The following PDLIM5 variants were observed in gnomAD, a reference collection of about 807,000 sequenced individuals.
PDLIM5 encodes PDZ and LIM domain 5, also known as PDZ and LIM domain protein 5.
A neutral mutation model predicts 64.2 loss-of-function variants in PDLIM5; 34 were observed. That is an observed-to-expected ratio of 0.53 (90% CI 0.40 to 0.71). The LOEUF is 0.71. Among genes scored for constraint, PDLIM5 ranks in the 30% least tolerant of loss-of-function variants. PDLIM5 has a pLI of 0.00. For synonymous variants in PDLIM5, 253 were observed against 269.1 expected, an observed-to-expected ratio of 0.94 and a Z score of 0.59; for missense variants, 683 against 733.6, an observed-to-expected ratio of 0.93 and a Z score of 0.80.
chr4:94,644,907 A>G (rs534057078), intron 9 of PDLIM5, among the ~76,000 whole-genome samples: 68 of 126,352 alleles, frequency 5.4e-4, no homozygotes, highest in African/African-American at 1.7e-3. Flanking sequence ...GATTGATATT[A>G]TTCTTTTTTT....
At chr4:94,483,601 A>G (rs1726062080) in intron 2 of PDLIM5, among the ~76,000 whole-genome samples, 1 of 152,170 alleles carries the variant, frequency 6.6e-6, no homozygotes, top group African/African-American at 2.4e-5. Flanking sequence ...GTTTTATGTT[A>G]AAGAAACTTG....
chr4:94,623,510 A>G (rs1739418964), intron 8 of PDLIM5, among the ~76,000 whole-genome samples: 1 of 152,108 alleles, frequency 6.6e-6, no homozygotes, highest in Admixed American at 6.5e-5. Context: ...AATTTCAATA[A>G]TGTCTTTGTT....
intron 3 of PDLIM5, among the ~76,000 whole-genome samples, chr4:94,527,458 T>C (rs1308644067): frequency 6.6e-6 from 1 of 152,232 alleles, no homozygotes; most frequent in Non-Finnish European, 1.5e-5. Flanking sequence ...AAGAGTACTT[T>C]TTCAGTGAAC....
intron 7 of PDLIM5, chr4:94,608,149 A>G (rs1578462671): frequency 1.3e-6 from 2 of 1,531,582 alleles, no homozygotes; most frequent in Non-Finnish European, 1.7e-6. Flanking sequence ...AAGTGGCCAC[A>G]CTTTCTAAAG....
chr4:94,615,629 C>G (rs1738721396), intron 7 of PDLIM5, among the ~76,000 whole-genome samples: 1 of 152,118 alleles, frequency 6.6e-6, no homozygotes, highest in Admixed American at 6.5e-5. Flanking sequence ...TCTTAGAAGG[C>G]TTTGTATGTC....
chr4:94,616,452 T>A (rs1347101752), intron 7 of PDLIM5, among the ~76,000 whole-genome samples: 1 of 152,186 alleles, frequency 6.6e-6, no homozygotes, highest in Non-Finnish European at 1.5e-5. Flanking sequence ...TCGGTACACT[T>A]AAAGTACAGG....
chr4:94,582,645 C>A, intron 5 of PDLIM5: 1 of 894,866 alleles, frequency 1.1e-6, no homozygotes, highest in South Asian at 1.6e-5. Flanking sequence ...GTCTGTTGTT[C>A]ATCTTCCGGG....
intron 2 of PDLIM5, among the ~76,000 whole-genome samples, chr4:94,468,530 C>G (rs547425396): frequency 1.5e-3 from 223 of 152,294 alleles, no homozygotes; most frequent in African/African-American, 4.7e-3. Flanking sequence ...AGTCTGTGCT[C>G]TGTCCATGTG....
intron 2 of PDLIM5, among the ~76,000 whole-genome samples, chr4:94,470,178 A>AAAACCTCTT (rs1724737156): frequency 6.6e-6 from 1 of 151,856 alleles, no homozygotes; most frequent in East Asian, 1.9e-4. Flanking sequence ...GTTAGCCAGT[A>AAAACCTCTT]TGGTCTTGAT....
chr4:94,488,478 A>G (rs1726555507), intron 2 of PDLIM5, among the ~76,000 whole-genome samples: 2 of 152,198 alleles, frequency 1.3e-5, no homozygotes, highest in African/African-American at 4.8e-5. Flanking sequence ...AAACCATGAT[A>G]TTCTTAAAAT....
At chr4:94,625,508 A>G (rs1230685811) in intron 8 of PDLIM5, among the ~76,000 whole-genome samples, 2 of 149,688 alleles carry the variant, frequency 1.3e-5, no homozygotes, top group South Asian at 2.1e-4. Context: ...GCTGGAGTGC[A>G]GTGGCGCTAT....
intron 3 of PDLIM5, among the ~76,000 whole-genome samples, chr4:94,557,280 C>T (rs1733429004): frequency 1.3e-5 from 2 of 152,114 alleles, no homozygotes; most frequent in Admixed American, 1.3e-4. Context: ...TGTTTTGGTA[C>T]CAGTACCATG....
At chr4:94,553,302 T>C (rs1732978296) in intron 3 of PDLIM5, among the ~76,000 whole-genome samples, 1 of 152,006 alleles carries the variant, frequency 6.6e-6, no homozygotes. Flanking sequence ...AGAGACAGGG[T>C]TTAGCCATCC....
chr4:94,543,655 A>G (rs1226177921), intron 3 of PDLIM5, among the ~76,000 whole-genome samples: 1 of 152,092 alleles, frequency 6.6e-6, no homozygotes, highest in Non-Finnish European at 1.5e-5. Context: ...TAGATTCCAC[A>G]TAGGAGATCA....
intron 8 of PDLIM5, among the ~76,000 whole-genome samples, chr4:94,630,818 T>C (rs144707662): frequency 4.6e-5 from 7 of 152,364 alleles, no homozygotes; most frequent in Non-Finnish European, 5.9e-5. Flanking sequence ...CTGCTTTAGC[T>C]TAATCCAAAT....
intron 3 of PDLIM5, among the ~76,000 whole-genome samples, chr4:94,527,909 A>G (rs1436701462): frequency 6.6e-6 from 1 of 152,192 alleles, no homozygotes; most frequent in African/African-American, 2.4e-5. Flanking sequence ...ATTAGAAGCA[A>G]TGGAAGAAAC....
At chr4:94,661,251 G>T (rs1382796263) in intron 11 of PDLIM5, among the ~76,000 whole-genome samples, 5 of 151,922 alleles carry the variant, frequency 3.3e-5, no homozygotes, top group Non-Finnish European at 5.9e-5. Flanking sequence ...TTAATTAGCT[G>T]GACATGGTGG....
At chr4:94,507,232 G>GAC (rs1166620757) in intron 2 of PDLIM5, among the ~76,000 whole-genome samples, 2 of 150,788 alleles carry the variant, frequency 1.3e-5, no homozygotes, top group East Asian at 3.9e-4. Flanking sequence ...ATATATATGG[G>GAC]ATATATATAT....
At chr4:94,648,718 C>G (rs1187790672) in intron 9 of PDLIM5, among the ~76,000 whole-genome samples, 1 of 152,204 alleles carries the variant, frequency 6.6e-6, no homozygotes, top group Non-Finnish European at 1.5e-5. Context: ...AGATCCAGAT[C>G]TTCTTCCAAG....
Sources: gnomAD v4.1 joint callset for allele counts (sites outside exome capture counted in the v4.1 genomes callset) on GRCh38, gnomAD v4.1.1 for gene constraint, MANE v1.5 for transcripts, NCBI Gene and HGNC (gene_info 2026-07-23, HGNC 2026-07-21) for gene names.